Variants in SH3GL2 observed in about 807,000 individuals in gnomAD.
The protein encoded by SH3GL2 is endophilin-A1.
Under a neutral mutation model 46.0 loss-of-function variants are expected in SH3GL2, and 24 were observed. That is an observed-to-expected ratio of 0.52 (90% confidence interval 0.38 to 0.73). The LOEUF (loss-of-function observed/expected upper bound fraction) is 0.73, where lower values mean the gene tolerates loss of function less well. Ranked by LOEUF, SH3GL2 falls within the 30% of genes least tolerant of loss-of-function variation. The pLI is 0.00. For synonymous variants in SH3GL2, 196 were observed against 147.1 expected (o/e 1.33, Z -2.40); for missense variants, 413 against 424.2 (o/e 0.97, Z 0.23).
At position 17,608,297 on chromosome 9, in the gene SH3GL2, A is replaced by G. The variant is rs532579216; in HGVS notation, c.45+29010A>G. Among the ~76,000 whole-genome samples the G allele has an allele frequency of 1.2e-3, 185 of 151,892 alleles. 1 individual carries two copies. Among genetic ancestry groups the G allele is most frequent in the East Asian group, 4.5e-3 (23 of 5,128 alleles). ...CGAGTATCTGGGACTACAGGCGCCC[A>G]CCACCACACCTGGCTAAATTTTGTA... On this transcript the variant is annotated intron_variant, in intron 1 of 8. Transcript: ENST00000380607.
At chr9:17,698,813 T>C (rs1050651973) in intron 1 of SH3GL2, among the ~76,000 whole-genome samples, 2 of 152,182 alleles carry the variant, frequency 1.3e-5, no homozygotes, top group Non-Finnish European at 2.9e-5. Context: ...CATTTTTTTC[T>C]TTTAGCTTTT....
chr9:17,728,225 T>C (rs754141492), intron 1 of SH3GL2, among the ~76,000 whole-genome samples: 1 of 152,144 alleles, frequency 6.6e-6, no homozygotes, highest in Non-Finnish European at 1.5e-5. Context: ...ATCTGGTTTC[T>C]ACCTTGGCAC....
intron 1 of SH3GL2, among the ~76,000 whole-genome samples, chr9:17,677,877 G>T (rs543575404): frequency 6.6e-6 from 1 of 152,052 alleles, no homozygotes; most frequent in African/African-American, 2.4e-5. Context: ...AGAAAATGCG[G>T]TGTTTGGTTT....
chr9:17,744,307 C>A (rs972817602), intron 1 of SH3GL2, among the ~76,000 whole-genome samples: 4 of 152,028 alleles, frequency 2.6e-5, no homozygotes, highest in Non-Finnish European at 5.9e-5. Context: ...TTAAGACCCC[C>A]TCTATTCATG....
At chr9:17,618,589 A>G (rs1415339510) in intron 1 of SH3GL2, among the ~76,000 whole-genome samples, 3 of 152,114 alleles carry the variant, frequency 2.0e-5, no homozygotes, top group African/African-American at 7.2e-5. Flanking sequence ...GTCTTTATTT[A>G]CCTGGTTTTG....
intron 2 of SH3GL2, among the ~76,000 whole-genome samples, chr9:17,757,313 T>G (rs1387661377): frequency 6.6e-6 from 1 of 152,086 alleles, no homozygotes; most frequent in Non-Finnish European, 1.5e-5. Context: ...ACAAATGGGA[T>G]CTAATTAAAC....
intron 1 of SH3GL2, among the ~76,000 whole-genome samples, chr9:17,688,591 G>A (rs527391600): frequency 6.6e-6 from 1 of 152,060 alleles, no homozygotes; most frequent in African/African-American, 2.4e-5. Context: ...TAGTATGGGG[G>A]CAGGAAGCAT....
Position 17,779,912 on chromosome 9 carries a change from G to A in SH3GL2, c.188-6469G>A, listed in dbSNP as rs567325054. Among the ~76,000 whole-genome samples, 9 of 152,188 alleles carry A rather than the reference G, an allele frequency of 5.9e-5. No individual in the cohort carries two copies. The East Asian group carries it at 1.7e-3, about 29-fold the overall frequency. On this transcript the variant is annotated intron_variant, in intron 3 of 8. Coordinates refer to ENST00000380607, the MANE Select transcript of SH3GL2 (RefSeq NM_003026.5). ...CTCTAAAATCTTCTCTTTGTCCTGT[G>A]TTCTTTATCTCACATTTGTATCATC... is the stretch of plus-strand genomic sequence containing the variant.
intron 1 of SH3GL2, among the ~76,000 whole-genome samples, chr9:17,675,923 C>A (rs562373016): frequency 6.6e-6 from 1 of 151,746 alleles, no homozygotes; most frequent in East Asian, 1.9e-4. Flanking sequence ...CCAGCCTGGG[C>A]GACAGAGCGA....
chr9:17,736,100 G>C (rs1361992618), intron 1 of SH3GL2, among the ~76,000 whole-genome samples: 2 of 152,096 alleles, frequency 1.3e-5, no homozygotes, highest in Non-Finnish European at 2.9e-5. Context: ...GCATCTGTCA[G>C]TGCATAGCCT....
intron 1 of SH3GL2, among the ~76,000 whole-genome samples, chr9:17,725,834 G>A (rs967260535): frequency 6.6e-6 from 1 of 152,186 alleles, no homozygotes; most frequent in Non-Finnish European, 1.5e-5. Context: ...GGTTGAATAG[G>A]CAGCGAGAGG....
At chr9:17,765,688 A>T (rs78486042) in intron 3 of SH3GL2, among the ~76,000 whole-genome samples, 1,894 of 152,254 alleles carry the variant, frequency 0.012, 35 homozygotes, top group African/African-American at 0.044. Context: ...AAGGTCACTT[A>T]TTAGCCTTCC....
chr9:17,694,982 A>T (rs144024757), intron 1 of SH3GL2, among the ~76,000 whole-genome samples: 1 of 152,182 alleles, frequency 6.6e-6, no homozygotes, highest in Admixed American at 6.6e-5. Flanking sequence ...AGTGAAAATT[A>T]TAAAATTTTC....
At chr9:17,735,230 A>G (rs1822296708) in intron 1 of SH3GL2, among the ~76,000 whole-genome samples, 1 of 152,250 alleles carries the variant, frequency 6.6e-6, no homozygotes, top group Non-Finnish European at 1.5e-5. Context: ...GCAGATGTTG[A>G]CATTAGCACA....
At chr9:17,684,332 ATGCAGTTAAAGAAATAATC>A (rs1820849221) in intron 1 of SH3GL2, among the ~76,000 whole-genome samples, 1 of 152,124 alleles carries the variant, frequency 6.6e-6, no homozygotes. Flanking sequence ...GGTAGAATTG[ATGCAGTTAAAGAAATAATC>A]AGTATATTTG....
At chr9:17,665,764 G>T (rs1820326654) in intron 1 of SH3GL2, among the ~76,000 whole-genome samples, 1 of 151,282 alleles carries the variant, frequency 6.6e-6, no homozygotes, top group African/African-American at 2.4e-5. Flanking sequence ...TTCAGGTCTT[G>T]GTGCTAGATG....
At chr9:17,728,737 G>A (rs190365525) in intron 1 of SH3GL2, among the ~76,000 whole-genome samples, 1 of 152,214 alleles carries the variant, frequency 6.6e-6, no homozygotes, top group African/African-American at 2.4e-5. Flanking sequence ...TTGGTTTTCT[G>A]TTCTAGTGTT....
chr9:17,763,280 G>T (rs1183606354), intron 3 of SH3GL2, among the ~76,000 whole-genome samples: 3 of 152,156 alleles, frequency 2.0e-5, no homozygotes, highest in Admixed American at 1.3e-4. Flanking sequence ...GTTGCATTGT[G>T]TGTCTCCCCA....
chr9:17,615,192 G>C (rs893866970), intron 1 of SH3GL2, among the ~76,000 whole-genome samples: 3 of 152,134 alleles, frequency 2.0e-5, no homozygotes, highest in Admixed American at 2.0e-4. Context: ...GCACCCCGTA[G>C]CAGGGTGAGA....
Sources: allele counts gnomAD v4.1 joint callset (sites outside exome capture counted in the v4.1 genomes callset), GRCh38; gene constraint gnomAD v4.1.1; transcripts MANE v1.5; gene names NCBI Gene and HGNC (gene_info 2026-07-23, HGNC 2026-07-21).